Variants in RALGAPA2 observed in about 807,000 individuals in gnomAD.
The protein encoded by RALGAPA2 is Ral GTPase activating protein catalytic subunit alpha 2.
RALGAPA2 carries 139 observed loss-of-function variants against 230.4 expected under a neutral mutation model. The ratio of observed to expected loss-of-function variants is 0.60; its 90% CI spans 0.53 to 0.69. The LOEUF is 0.69. Ranked by LOEUF, RALGAPA2 falls within the 30% of genes least tolerant of loss-of-function variation. RALGAPA2 has a pLI of 0.00. For synonymous variants in RALGAPA2, 847 were observed against 837.8 expected (o/e 1.01, Z -0.19); for missense variants, 2,163 against 2,276.0 (o/e 0.95, Z 1.01).
chr20:20,424,579 T>C (rs529921981), intron 37 of RALGAPA2, among the ~76,000 whole-genome samples: 3 of 152,178 alleles, frequency 2.0e-5, no homozygotes, highest in Non-Finnish European at 4.4e-5. Context: ...TGTTAGAAGC[T>C]AAAAAATGTA....
chr20:20,643,407 T>G, intron 5 of RALGAPA2, 99 bp downstream of exon 5: 1 of 1,145,950 alleles, frequency 8.7e-7, no homozygotes, highest in Non-Finnish European at 1.2e-6. Context: ...TCAAGTGGTT[T>G]CTAAAGATCT....
intron 3 of RALGAPA2, among the ~76,000 whole-genome samples, chr20:20,654,198 T>A (rs1281540324): frequency 6.6e-6 from 1 of 152,220 alleles, no homozygotes; most frequent in Non-Finnish European, 1.5e-5. Context: ...TAGTATCTTT[T>A]TTTTCTTTGA....
At chr20:20,430,920 A>T (rs995988882) in intron 37 of RALGAPA2, among the ~76,000 whole-genome samples, 3 of 152,008 alleles carry the variant, frequency 2.0e-5, no homozygotes, top group Non-Finnish European at 4.4e-5. Flanking sequence ...GGACATAAAG[A>T]CGTTAACTCA....
In RALGAPA2 at chr20:20,393,053, C is replaced by T. The variant is rs1326503930; in HGVS notation, c.*236G>A. ...AGATGATACAGCCTAGTTTGAGTCC[C>T]ATCTGAGACACGGTAGTGGGATTCA... On this transcript the variant is annotated 3_prime_UTR_variant, in exon 40 of 40. Transcript: ENST00000202677. 2 of 1,300,162 alleles carry T rather than the reference C, an allele frequency of 1.5e-6. No individual in the cohort carries two copies. The highest frequency in any genetic ancestry group is 3.0e-5 in the African/African-American group (2 of 66,170). 80.5% of individuals were successfully genotyped at this position (1,300,162 alleles called of 1,614,324 possible).
chr20:20,667,052 C>T (rs1049672511), intron 3 of RALGAPA2, among the ~76,000 whole-genome samples: 2 of 152,122 alleles, frequency 1.3e-5, no homozygotes, highest in Non-Finnish European at 2.9e-5. Context: ...TAAAATGGTG[C>T]TACTAAATGT....
Position 20,605,398 on chromosome 20 carries a change from A to G in RALGAPA2, c.1815T>C (p.Ala605=). Residue 605 remains alanine (A), a synonymous_variant, in exon 15 of 40, where the codon GCT becomes GCC. Coordinates refer to ENST00000202677, the MANE Select transcript of RALGAPA2 (RefSeq NM_020343.4). ...AGLLFRTLMV[A]WIRANLCVYI... ...ACACACAGAGGTTTGCTCGGATCCAAGCTACCATGAGCGTCTAAAACCAAC... is the reference window on the plus strand; with the variant it reads ...ACACACAGAGGTTTGCTCGGATCCAGGCTACCATGAGCGTCTAAAACCAAC... The G allele has an allele frequency of 1.2e-6, 2 of 1,613,328 alleles. No homozygotes were observed. Among genetic ancestry groups the G allele is most frequent in the Non-Finnish European group, 8.5e-7 (1 of 1,179,372 alleles).
At chr20:20,552,834 A>G (rs2063967601) in intron 23 of RALGAPA2, among the ~76,000 whole-genome samples, 1 of 152,054 alleles carries the variant, frequency 6.6e-6, no homozygotes, top group African/African-American at 2.4e-5. Flanking sequence ...CATTTCTGCT[A>G]GTGGGTCTCT....
intron 36 of RALGAPA2, among the ~76,000 whole-genome samples, chr20:20,484,547 A>G (rs556428564): frequency 2.2e-4 from 33 of 152,308 alleles, no homozygotes; most frequent in Non-Finnish European, 4.0e-4. Flanking sequence ...CCAAATAGTA[A>G]GAAAGTCCTC....
At chr20:20,680,322 G>A (rs553227557) in intron 2 of RALGAPA2, among the ~76,000 whole-genome samples, 7 of 152,200 alleles carry the variant, frequency 4.6e-5, no homozygotes, top group Non-Finnish European at 1.0e-4. Context: ...CTTTAATAGT[G>A]GTTGCCTCTG....
intron 37 of RALGAPA2, among the ~76,000 whole-genome samples, chr20:20,460,501 G>A (rs1470094810): frequency 6.6e-6 from 1 of 152,152 alleles, no homozygotes; most frequent in Non-Finnish European, 1.5e-5. Flanking sequence ...GAAGGAAAGA[G>A]AATATCCCCA....
intron 23 of RALGAPA2, among the ~76,000 whole-genome samples, chr20:20,560,849 T>C (rs894789269): frequency 2.0e-5 from 3 of 152,342 alleles, no homozygotes; most frequent in South Asian, 2.1e-4. Context: ...TACAGGTCAA[T>C]AGCTATATTC....
At chr20:20,503,783 A>C (rs2062449669) in intron 34 of RALGAPA2, among the ~76,000 whole-genome samples, 1 of 152,188 alleles carries the variant, frequency 6.6e-6, no homozygotes. Flanking sequence ...GTATGTATAA[A>C]TGTATGTGTA....
chr20:20,673,012 G>A (rs541148063), intron 3 of RALGAPA2, among the ~76,000 whole-genome samples: 18 of 151,780 alleles, frequency 1.2e-4, no homozygotes, highest in African/African-American at 4.1e-4. Flanking sequence ...GTGAAAACCC[G>A]TCTCTACTAA....
intron 17 of RALGAPA2, among the ~76,000 whole-genome samples, chr20:20,589,628 C>T (rs1220861416): frequency 1.3e-5 from 2 of 151,880 alleles, no homozygotes; most frequent in East Asian, 1.9e-4. Context: ...CATTTATGTT[C>T]GCACAGGGGA....
chr20:20,413,316 C>T (rs959286685), intron 37 of RALGAPA2, among the ~76,000 whole-genome samples: 3 of 152,192 alleles, frequency 2.0e-5, no homozygotes, highest in Admixed American at 6.5e-5. Flanking sequence ...CAAGACAGCA[C>T]GTGTTTTTAA....
chr20:20,403,566 C>G (rs1318258314), intron 38 of RALGAPA2, among the ~76,000 whole-genome samples: 1 of 152,186 alleles, frequency 6.6e-6, no homozygotes, highest in Non-Finnish European at 1.5e-5. Flanking sequence ...CTCTGGGACT[C>G]TCACATGTGA....
chr20:20,574,909 T>C (rs2064771219), intron 20 of RALGAPA2, among the ~76,000 whole-genome samples: 1 of 152,168 alleles, frequency 6.6e-6, no homozygotes, highest in South Asian at 2.1e-4. Flanking sequence ...CCCCATGTGT[T>C]CTATCCCTCT....
intron 38 of RALGAPA2, among the ~76,000 whole-genome samples, chr20:20,408,193 A>G (rs1179995756): frequency 1.3e-5 from 2 of 152,268 alleles, no homozygotes; most frequent in East Asian, 1.9e-4. Context: ...AGAACCACTC[A>G]TTTAACTTGG....
intron 3 of RALGAPA2, chr20:20,660,055 G>A: frequency 5.7e-6 from 1 of 175,442 alleles, no homozygotes; most frequent in Non-Finnish European, 1.2e-5. Flanking sequence ...GACCAGCCTG[G>A]CCAACGTGGT....
Sources: allele counts gnomAD v4.1 joint callset (sites outside exome capture counted in the v4.1 genomes callset), GRCh38; gene constraint gnomAD v4.1.1; transcripts MANE v1.5; gene names NCBI Gene and HGNC (gene_info 2026-07-23, HGNC 2026-07-21).